Variants in THSD7A observed in about 807,000 individuals in gnomAD.
The protein encoded by THSD7A is thrombospondin type 1 domain containing 7A, also known as thrombospondin type-1 domain-containing protein 7A.
THSD7A carries 96 observed loss-of-function variants against 231.3 expected under a neutral mutation model. The ratio of observed to expected loss-of-function variants is 0.41; its 90% CI spans 0.35 to 0.49. The LOEUF (loss-of-function observed/expected upper bound fraction) is 0.49, where lower values mean the gene tolerates loss of function less well. THSD7A is among the 20% of genes least tolerant of loss of function. THSD7A has a pLI of 0.05. For synonymous variants in THSD7A, 940 were observed against 743.3 expected, an observed-to-expected ratio of 1.26 and a Z score of -4.30; for missense variants, 2,290 against 2,070.2, an observed-to-expected ratio of 1.11 and a Z score of -2.06.
intron 1 of THSD7A, among the ~76,000 whole-genome samples, chr7:11,683,812 C>G (rs1347032024): frequency 6.6e-6 from 1 of 151,984 alleles, no homozygotes; most frequent in Non-Finnish European, 1.5e-5. Flanking sequence ...GAGCCAGTAT[C>G]AATCCTACTG....
At chr7:11,620,761 A>C (rs949957942) in intron 2 of THSD7A, among the ~76,000 whole-genome samples, 7 of 152,206 alleles carry the variant, frequency 4.6e-5, no homozygotes, top group Admixed American at 4.6e-4. Context: ...ATCTAGCACA[A>C]CCGAAGCACT....
At chr7:11,561,432 C>G (rs1326860113) in intron 4 of THSD7A, among the ~76,000 whole-genome samples, 1 of 152,120 alleles carries the variant, frequency 6.6e-6, no homozygotes, top group Non-Finnish European at 1.5e-5. Context: ...CAATAACTAC[C>G]TGTCTAATTA....
rs1785295037 is a variant in THSD7A, at chr7:11,455,988, T to C, written c.2605+4674A>G. Reference sequence around the variant, plus strand: ...GCCACTTTATTTTATTGTTAACAGGTGGTTAAAAGTAGGTGCAGGCCTAGG... The same window carrying C: ...GCCACTTTATTTTATTGTTAACAGGCGGTTAAAAGTAGGTGCAGGCCTAGG... On this transcript the variant is annotated intron_variant, in intron 11 of 27. Transcript: ENST00000423059. Among the ~76,000 whole-genome samples the C allele has an allele frequency of 2.6e-5, 4 of 151,928 alleles. No individual in the cohort carries two copies. The South Asian group carries it at 8.3e-4, about 32-fold the overall frequency.
At chr7:11,471,851 T>A (rs186159659) in intron 8 of THSD7A, among the ~76,000 whole-genome samples, 1 of 152,122 alleles carries the variant, frequency 6.6e-6, no homozygotes, top group African/African-American at 2.4e-5. Flanking sequence ...CTTTTGGAAC[T>A]ATGAAATTAT....
chr7:11,516,342 A>G (rs185239188), intron 6 of THSD7A, among the ~76,000 whole-genome samples: 49 of 152,340 alleles, frequency 3.2e-4, no homozygotes, highest in Non-Finnish European at 6.6e-4. Context: ...ATGGTTATTG[A>G]TTAAGCTAAT....
chr7:11,518,598 AACACACACACACACAC>A (rs138134072), intron 6 of THSD7A, among the ~76,000 whole-genome samples: 2 of 150,064 alleles, frequency 1.3e-5, no homozygotes, highest in Admixed American at 6.6e-5. Context: ...ATAAAATAGA[AACACACACACACACAC>A]ACACACGCAC....
intron 1 of THSD7A, among the ~76,000 whole-genome samples, chr7:11,808,666 G>A (rs533315038): frequency 9.2e-5 from 14 of 152,106 alleles, no homozygotes; most frequent in Middle Eastern, 3.4e-3. Flanking sequence ...TGTTATGCCC[G>A]GTTTGGTCAT....
At chr7:11,726,321 C>T (rs977363147) in intron 1 of THSD7A, among the ~76,000 whole-genome samples, 1 of 114,612 alleles carries the variant, frequency 8.7e-6, no homozygotes, top group East Asian at 2.6e-4. Flanking sequence ...CATCACGCCT[C>T]ACCTCATCTA....
chr7:11,657,122 G>A (rs1203335019), intron 1 of THSD7A, among the ~76,000 whole-genome samples: 1 of 151,762 alleles, frequency 6.6e-6, no homozygotes, highest in Non-Finnish European at 1.5e-5. Flanking sequence ...ATAGCTCTTT[G>A]CCATGTATCC....
rs553141794 is a variant in THSD7A at position 11,475,735 on chromosome 7, C to G, written c.2018-1167G>C. Among the ~76,000 whole-genome samples the G allele has an allele frequency of 9.0e-4, 136 of 150,346 alleles. 2 individuals carry two copies. The highest frequency in any genetic ancestry group is 3.1e-3 in the African/African-American group (128 of 41,178). ...AAATCATTTAGCTGTAAAAATTGAA[C>G]AAGTTAAATAAAAATATTCTTCTCA... On this transcript the variant is annotated intron_variant, in intron 7 of 27. Transcript: ENST00000423059.
intron 23 of THSD7A, among the ~76,000 whole-genome samples, chr7:11,392,357 A>G (rs193023814): frequency 4.4e-4 from 67 of 152,014 alleles, no homozygotes; most frequent in African/African-American, 1.6e-3. Flanking sequence ...CCCAGATACT[A>G]TGCTTTTCTC....
chr7:11,436,511 ACT>A (rs1480051102), intron 13 of THSD7A, among the ~76,000 whole-genome samples: 1 of 151,958 alleles, frequency 6.6e-6, no homozygotes, highest in Non-Finnish European at 1.5e-5. Context: ...ACAAACTATG[ACT>A]CTCTGAGAGA....
chr7:11,499,034 G>A (rs1057485099), intron 6 of THSD7A, among the ~76,000 whole-genome samples: 7 of 152,156 alleles, frequency 4.6e-5, no homozygotes, highest in African/African-American at 1.4e-4. Flanking sequence ...AGCCTCCAGG[G>A]GCAAATGAAA....
intron 6 of THSD7A, among the ~76,000 whole-genome samples, chr7:11,496,513 C>G (rs1787105274): frequency 6.6e-6 from 1 of 152,090 alleles, no homozygotes; most frequent in African/African-American, 2.4e-5. Context: ...GGGTTTAGGG[C>G]TGAGACATCC....
intron 1 of THSD7A, among the ~76,000 whole-genome samples, chr7:11,757,996 T>C (rs1341659714): frequency 8.4e-6 from 1 of 119,598 alleles, no homozygotes; most frequent in African/African-American, 3.3e-5. Context: ...TAACATTATA[T>C]ATACATATGC....
At chr7:11,734,656 C>T (rs1354197128) in intron 1 of THSD7A, among the ~76,000 whole-genome samples, 1 of 151,808 alleles carries the variant, frequency 6.6e-6, no homozygotes, top group Non-Finnish European at 1.5e-5. Flanking sequence ...TGTTAATGAC[C>T]TTATTTTGCT....
chr7:11,611,850 C>A (rs1780942270), intron 2 of THSD7A, among the ~76,000 whole-genome samples: 1 of 147,462 alleles, frequency 6.8e-6, no homozygotes, highest in Non-Finnish European at 1.5e-5. Context: ...GTCTATCTAT[C>A]TATCTATCTA....
intron 4 of THSD7A, among the ~76,000 whole-genome samples, chr7:11,586,736 T>C (rs1019555872): frequency 6.6e-6 from 1 of 152,214 alleles, no homozygotes. Context: ...TTTATTTTCT[T>C]ATTTCTTTGT....
At chr7:11,554,646 C>T (rs1789770183) in intron 4 of THSD7A, among the ~76,000 whole-genome samples, 1 of 151,802 alleles carries the variant, frequency 6.6e-6, no homozygotes, top group South Asian at 2.1e-4. Context: ...TGCATTTGGT[C>T]TTATATTTTA....
Sources: gnomAD v4.1 joint callset for allele counts (sites outside exome capture counted in the v4.1 genomes callset) on GRCh38, gnomAD v4.1.1 for gene constraint, MANE v1.5 for transcripts, NCBI Gene and HGNC (gene_info 2026-07-23, HGNC 2026-07-21) for gene names.